The following SIRT3 variants were observed in gnomAD, a reference collection of about 807,000 sequenced individuals.
SIRT3 encodes the protein NAD-dependent protein deacetylase sirtuin-3, mitochondrial.
SIRT3 carries 26 observed loss-of-function variants against 33.5 expected under a neutral mutation model. The ratio of observed to expected loss-of-function variants is 0.78; its 90% CI spans 0.57 to 1.08. The LOEUF is 1.08. Ranked by LOEUF, SIRT3 falls within the 50% of genes least tolerant of loss-of-function variation. SIRT3 has a pLI of 0.00. For missense variants in SIRT3, 585 were observed against 530.1 expected (o/e 1.10, Z -1.02); for synonymous variants, 237 against 222.1 (o/e 1.07, Z -0.60).
At position 230,172 on chromosome 11, in the gene SIRT3, A is replaced by G. The variant is rs193083341; in HGVS notation, c.807+280T>C. Among the ~76,000 whole-genome samples the G allele has an allele frequency of 5.8e-3, 855 of 148,300 alleles. 12 individuals carry two copies. The highest frequency in any genetic ancestry group is 0.019 in the African/African-American group (764 of 40,212). On this transcript the variant is annotated intron_variant, in intron 4 of 6. Transcript: ENST00000382743. ...AGGTTGCAGTGAGCCGAGATCGCCC[A>G]CTGCACTCCAGCCTGGGCGACAGAG...
In SIRT3 at chr11:233,452, T is replaced by G; in HGVS notation, c.364A>C (p.Lys122Gln). The change falls in exon 2 of 7, where the codon AAG (lysine) becomes CAG (glutamine). Residue 122 changes from lysine (K) to glutamine (Q), a missense_variant. Physicochemically the swap from Lys to Gln is moderately conservative, Grantham distance 53. Transcript: ENST00000382743. ...TCAGCTACATCCTGCAGGGAAAGCT[T>G]CCCCTTGTCACTGCTGCCTCCACTT... ...VGSGGSSDKGKLSLQDVAELI... is the reference protein window; with the variant it reads ...VGSGGSSDKGQLSLQDVAELI... 1 of 1,613,852 alleles carries G rather than the reference T, an allele frequency of 6.2e-7. No individual in the cohort carries two copies. The highest frequency in any genetic ancestry group is 8.5e-7 in the Non-Finnish European group (1 of 1,179,964).
chr11:218,805 T>C (rs941945642), intron 6 of SIRT3, 27 bp downstream of exon 6: 20 of 1,614,012 alleles, frequency 1.2e-5, no homozygotes, highest in South Asian at 2.2e-5. Flanking sequence ...GGCAGCCCCT[T>C]GGATGGTCCT....
intron 6 of SIRT3, 122 bp from the exon 7 acceptor site, chr11:216,840 C>T: frequency 2.0e-6 from 2 of 1,021,710 alleles, no homozygotes; most frequent in South Asian, 1.3e-5. Flanking sequence ...AAGCTGCTTT[C>T]TGCAAATACT....
At chr11:231,355 C>T (rs758911157) in intron 3 of SIRT3, among the ~76,000 whole-genome samples, 44 of 152,198 alleles carry the variant, frequency 2.9e-4, no homozygotes, top group Non-Finnish European at 5.3e-4. Flanking sequence ...AGGATCACTT[C>T]GGCCCAAGAG....
intron 3 of SIRT3, among the ~76,000 whole-genome samples, chr11:231,601 G>A (rs994892976): frequency 6.6e-6 from 1 of 152,128 alleles, no homozygotes; most frequent in Non-Finnish European, 1.5e-5. Context: ...GAAAGGCTGC[G>A]GTGGCACAGC....
In SIRT3 at chr11:230,562, A is replaced by C. The variant is rs557616293; in HGVS notation, c.707-10T>G. 1 of 1,496,376 alleles carries C rather than the reference A, an allele frequency of 6.7e-7. No homozygotes were observed. Among genetic ancestry groups the C allele is most frequent in the East Asian group, 2.6e-5 (1 of 38,540 alleles). 92.7% of individuals were successfully genotyped at this position (1,496,376 alleles called of 1,614,324 possible). A position where few individuals can be genotyped will look rare whatever the true frequency, so the allele number is the denominator to read the frequency against. ...GCAGGGATGCCCGACACTGAAATTC[A>C]AGCCAAAGCGAAGTGTTGCTGCCGC... On this transcript the variant is annotated splice_polypyrimidine_tract_variant and intron_variant, in intron 3 of 6. Coordinates refer to ENST00000382743, the MANE Select transcript of SIRT3 (RefSeq NM_012239.6).
At chr11:217,344 G>C (rs184909571) in intron 6 of SIRT3, among the ~76,000 whole-genome samples, 1 of 152,372 alleles carries the variant, frequency 6.6e-6, no homozygotes, top group Non-Finnish European at 1.5e-5. Context: ...CAGCTGCTCA[G>C]GAGGCTGAGG....
intron 4 of SIRT3, among the ~76,000 whole-genome samples, chr11:229,139 A>G (rs1403863673): frequency 2.6e-5 from 4 of 152,240 alleles, no homozygotes; most frequent in African/African-American, 9.6e-5. Flanking sequence ...TTCTGCAGAT[A>G]ACAGTATATT....
intron 3 of SIRT3, among the ~76,000 whole-genome samples, chr11:231,357 GC>G (rs1276329210): frequency 6.6e-6 from 1 of 152,070 alleles, no homozygotes; most frequent in African/African-American, 2.4e-5. Context: ...GATCACTTCG[GC>G]CCAAGAGTTC....
intron 4 of SIRT3, 46 bp downstream of exon 4, chr11:230,406 C>A: frequency 8.3e-7 from 1 of 1,199,350 alleles, no homozygotes; most frequent in Non-Finnish European, 1.1e-6. Flanking sequence ...TCCAGATCAC[C>A]CCAACAGCAA....
Position 216,580 on chromosome 11 carries a change from C to T in SIRT3, c.*118G>A. On this transcript the variant is annotated 3_prime_UTR_variant, in exon 7 of 7. Coordinates refer to ENST00000382743, the MANE Select transcript of SIRT3 (RefSeq NM_012239.6). Reference sequence around the variant, plus strand: ...TTCCAGTGGCAGCCTCGGGTGTCCACTCAGTTCACATATTCTGGTTTCACC... The same window carrying T: ...TTCCAGTGGCAGCCTCGGGTGTCCATTCAGTTCACATATTCTGGTTTCACC... 1 of 1,138,784 alleles carries T rather than the reference C, an allele frequency of 8.8e-7. No individual in the cohort carries two copies. Among genetic ancestry groups the T allele is most frequent in the Non-Finnish European group, 1.3e-6 (1 of 757,680 alleles). The allele number at this position is 1,138,784 out of a possible 1,614,324, so 70.5% of individuals were successfully genotyped here.
At chr11:236,917 C>A (rs1423675020), upstream of SIRT3, 2 of 747,414 alleles carry the variant, frequency 2.7e-6, no homozygotes, top group Non-Finnish European at 2.3e-6. Flanking sequence ...GCGGGGCCCG[C>A]CCCCGGCCTG....
chr11:234,652 T>G (rs1355432212), intron 1 of SIRT3, among the ~76,000 whole-genome samples: 1 of 152,184 alleles, frequency 6.6e-6, no homozygotes, highest in Admixed American at 6.5e-5. Context: ...CCTGACCTCG[T>G]GATCCGCCCG....
intron 4 of SIRT3, among the ~76,000 whole-genome samples, chr11:227,711 C>G (rs1401968006): frequency 1.3e-5 from 2 of 151,998 alleles, no homozygotes; most frequent in African/African-American, 4.8e-5. Context: ...CAGCAACCTC[C>G]CCTCCCAGGT....
chr11:236,051 G>C lies in SIRT3; in HGVS notation c.278C>G (p.Ser93Trp). ...TGCTTGTCCTTGCCCAAAATACCTCGAAAAGAAGAAACTGGGAGCTGCTGC... is the reference window on the plus strand; with the variant it reads ...TGCTTGTCCTTGCCCAAAATACCTCCAAAAGAAGAAACTGGGAGCTGCTGC... ...PRAAAPSFFF[S>W]SIKGGRRSIS... is the part of the protein sequence containing the mutation. The change falls in exon 1 of 7, where the codon TCG becomes TGG. Residue 93 changes from serine (S) to tryptophan (W), a missense_variant. Transcript: ENST00000382743. 6.6e-7 allele frequency: 1 copy of C among 1,513,304 alleles called. No individual in the cohort carries two copies. The highest frequency in any genetic ancestry group is 8.8e-7 in the Non-Finnish European group (1 of 1,131,262). The allele number at this position is 1,513,304 out of a possible 1,614,324, so 93.7% of individuals were successfully genotyped here. A position where few individuals can be genotyped will look rare whatever the true frequency, so the allele number is the denominator to read the frequency against.
chr11:229,860 T>C (rs944152910), intron 4 of SIRT3, among the ~76,000 whole-genome samples: 1 of 152,156 alleles, frequency 6.6e-6, no homozygotes, highest in Non-Finnish European at 1.5e-5. Context: ...AAACGAATAC[T>C]TGCATATGCT....
intron 4 of SIRT3, among the ~76,000 whole-genome samples, chr11:225,339 G>A (rs1378209177): frequency 6.6e-6 from 1 of 152,160 alleles, no homozygotes; most frequent in East Asian, 1.9e-4. Context: ...TTGAACCTGG[G>A]AGGCGGAGGT....
At chr11:232,146 C>A (rs570472441) in intron 3 of SIRT3, among the ~76,000 whole-genome samples, 1 of 151,084 alleles carries the variant, frequency 6.6e-6, no homozygotes, top group Non-Finnish European at 1.5e-5. Flanking sequence ...GAGACAGAAT[C>A]TCCCTCTGTC....
chr11:226,887 G>C (rs113816983), intron 4 of SIRT3, among the ~76,000 whole-genome samples: 1,900 of 151,128 alleles, frequency 0.013, 44 homozygotes, highest in African/African-American at 0.044. Context: ...CCGAGTATCT[G>C]AGATTATAGG....
Sources: gnomAD v4.1 joint callset for allele counts (sites outside exome capture counted in the v4.1 genomes callset) on GRCh38, gnomAD v4.1.1 for gene constraint, MANE v1.5 for transcripts, NCBI Gene and HGNC (gene_info 2026-07-23, HGNC 2026-07-21) for gene names.